RPS6KB1: variants seen among roughly 807,000 people sequenced by gnomAD.
The protein encoded by RPS6KB1 is ribosomal protein S6 kinase beta-1.
A neutral mutation model predicts 70.2 loss-of-function variants in RPS6KB1; 12 were observed. That is an observed-to-expected ratio of 0.17 (90% CI 0.11 to 0.28). The LOEUF is 0.28. Ranked by LOEUF, RPS6KB1 falls within the 10% of genes least tolerant of loss-of-function variation. The pLI, the probability that RPS6KB1 is intolerant of heterozygous loss-of-function variation, is 1.00. For synonymous variants in RPS6KB1, 175 were observed against 211.2 expected, an observed-to-expected ratio of 0.83 and a Z score of 1.49; for missense variants, 270 against 646.6, an observed-to-expected ratio of 0.42 and a Z score of 6.32.
intron 1 of RPS6KB1, among the ~76,000 whole-genome samples, chr17:59,906,625 G>C (rs1414142883): frequency 1.3e-5 from 2 of 151,766 alleles, no homozygotes; most frequent in Admixed American, 6.6e-5. Flanking sequence ...GCCTCCTAAA[G>C]TGCTAGAATT....
intron 1 of RPS6KB1, among the ~76,000 whole-genome samples, chr17:59,895,094 C>T (rs2041454977): frequency 6.6e-6 from 1 of 151,844 alleles, no homozygotes; most frequent in African/African-American, 2.4e-5. Context: ...GATCTCAGCT[C>T]ACTGCAACCT....
chr17:59,914,644 G>A lies in RPS6KB1; in HGVS notation c.322G>A (p.Val108Ile). The A allele has an allele frequency of 6.2e-7, 1 of 1,612,422 alleles. No homozygotes were observed. The highest frequency in any genetic ancestry group is 8.5e-7 in the Non-Finnish European group (1 of 1,179,528). Residue 108 changes from valine (V) to isoleucine (I), a missense_variant, in exon 4 of 15, where the codon GTA becomes ATA. Coordinates refer to ENST00000225577, the MANE Select transcript of RPS6KB1 (RefSeq NM_003161.4). ...CTTTTTTTTAATCCAGGTTTTTCAA[G>A]TACGAAAAGTAACAGGAGCAAATAC... ...GKGGYGKVFQ[V>I]RKVTGANTGK...
intron 4 of RPS6KB1, among the ~76,000 whole-genome samples, chr17:59,918,519 G>A (rs1325766043): frequency 1.3e-5 from 2 of 151,764 alleles, no homozygotes; most frequent in Non-Finnish European, 2.9e-5. Flanking sequence ...ACAGGTGCCC[G>A]CTACCACACC....
intron 1 of RPS6KB1, among the ~76,000 whole-genome samples, chr17:59,909,922 G>T (rs1421263097): frequency 6.6e-6 from 1 of 152,082 alleles, no homozygotes; most frequent in Non-Finnish European, 1.5e-5. Context: ...TGAGGCAGGG[G>T]AATCACTTGA....
chr17:59,938,170 CTTTT>C (rs72001861), intron 12 of RPS6KB1, among the ~76,000 whole-genome samples: 39 of 71,486 alleles, frequency 5.5e-4, no homozygotes, highest in African/African-American at 1.8e-3. Flanking sequence ...TCTTTTCTTT[CTTTT>C]TTTTTTTTTT....
chr17:59,943,086 T>G (rs1347953959), intron 13 of RPS6KB1, among the ~76,000 whole-genome samples: 4 of 152,176 alleles, frequency 2.6e-5, no homozygotes, highest in African/African-American at 9.7e-5. Context: ...GTAATAATCC[T>G]ATAAATTAAT....
At position 59,893,131 on chromosome 17, in the gene RPS6KB1, T is replaced by C; in HGVS notation, c.-54T>C. On this transcript the variant is annotated 5_prime_UTR_variant, in exon 1 of 15. Transcript: ENST00000225577. This position sits in a 1 kb window ranked among gnomAD's most constrained non-coding sequence, Gnocchi z 4.1. Reference sequence around the variant, plus strand: ...GGCCTAGGCGCAGACGCACTGAGCCTAAGCAGCCGGTGATGGCGGCAGCGG... The same window carrying C: ...GGCCTAGGCGCAGACGCACTGAGCCCAAGCAGCCGGTGATGGCGGCAGCGG... 6.3e-7 allele frequency: 1 copy of C among 1,587,742 alleles called. No individual in the cohort carries two copies. Among genetic ancestry groups the C allele is most frequent in the Non-Finnish European group, 8.6e-7 (1 of 1,167,742 alleles).
chr17:59,944,105 GA>G (rs1238172065), intron 13 of RPS6KB1, among the ~76,000 whole-genome samples: 2 of 151,978 alleles, frequency 1.3e-5, no homozygotes, highest in Non-Finnish European at 2.9e-5. Context: ...TAGTCCACCA[GA>G]ACGTTTGTAA....
chr17:59,895,267 G>A (rs181307160), intron 1 of RPS6KB1, among the ~76,000 whole-genome samples: 309 of 147,904 alleles, frequency 2.1e-3, no homozygotes, highest in African/African-American at 7.4e-3. Context: ...TAATCTGCCC[G>A]CCTCGGCCTC....
intron 4 of RPS6KB1, among the ~76,000 whole-genome samples, chr17:59,914,999 T>C (rs2042857695): frequency 6.6e-6 from 1 of 151,772 alleles, no homozygotes; most frequent in South Asian, 2.1e-4. Context: ...TTTCTTTTTT[T>C]TTTTTTTGAG....
chr17:59,895,754 T>G (rs189277808), intron 1 of RPS6KB1, among the ~76,000 whole-genome samples: 1 of 152,150 alleles, frequency 6.6e-6, no homozygotes, highest in African/African-American at 2.4e-5. Flanking sequence ...TGCCTCAGCC[T>G]TCCGAGTAGC....
chr17:59,908,381 A>G (rs1267577434), intron 1 of RPS6KB1, among the ~76,000 whole-genome samples: 1 of 151,614 alleles, frequency 6.6e-6, no homozygotes, highest in African/African-American at 2.4e-5. Flanking sequence ...TTGTATTTTT[A>G]GTAGAGACGG....
intron 13 of RPS6KB1, among the ~76,000 whole-genome samples, chr17:59,941,173 A>G (rs1386626992): frequency 6.6e-6 from 1 of 152,006 alleles, no homozygotes; most frequent in African/African-American, 2.4e-5. Flanking sequence ...ATCTTTGGAA[A>G]GTATGATTCC....
chr17:59,916,399 A>G (rs2042967781), intron 4 of RPS6KB1, among the ~76,000 whole-genome samples: 1 of 152,156 alleles, frequency 6.6e-6, no homozygotes, highest in Non-Finnish European at 1.5e-5. Flanking sequence ...CGAGCCTGGC[A>G]GTATTAACTT....
At chr17:59,897,931 C>G (rs1167070769) in intron 1 of RPS6KB1, among the ~76,000 whole-genome samples, 1 of 150,292 alleles carries the variant, frequency 6.7e-6, no homozygotes, top group African/African-American at 2.5e-5. Context: ...TACCACTGCA[C>G]TCCAGCCTGG....
Position 59,893,425 on chromosome 17 carries a change from G to C in RPS6KB1, c.141+100G>C. ...TCCTAGAGCGTGGAGACCCAGGGGG[G>C]CTCCTGAGGAGCTGAGGGTCGCGCG... is the stretch of plus-strand genomic sequence containing the variant. On this transcript the variant is annotated intron_variant, in intron 1 of 14. Transcript: ENST00000225577. This position sits in a 1 kb window ranked among gnomAD's most constrained non-coding sequence, Gnocchi z 4.1. The C allele has an allele frequency of 8.0e-7, 1 of 1,246,912 alleles. No individual in the cohort carries two copies. The highest frequency in any genetic ancestry group is 1.1e-6 in the Non-Finnish European group (1 of 894,836). The allele number at this position is 1,246,912 out of a possible 1,614,324, so 77.2% of individuals were successfully genotyped here. A position where few individuals can be genotyped will look rare whatever the true frequency, so the allele number is the denominator to read the frequency against.
chr17:59,921,415 A>G (rs867357607), intron 4 of RPS6KB1, among the ~76,000 whole-genome samples: 2 of 152,170 alleles, frequency 1.3e-5, no homozygotes, highest in Non-Finnish European at 1.5e-5. Flanking sequence ...CAGGGCTTTC[A>G]TTTCTAAATC....
At chr17:59,922,007 A>G (rs145057032) in intron 4 of RPS6KB1, among the ~76,000 whole-genome samples, 260 of 150,400 alleles carry the variant, frequency 1.7e-3, no homozygotes, top group African/African-American at 6.1e-3. Flanking sequence ...CTTCACCCCT[A>G]ATTTCATCTA....
chr17:59,934,689 C>A lies in RPS6KB1; in HGVS notation c.870+165C>A. 1.8e-6 allele frequency: 1 copy of A among 546,772 alleles called. No homozygotes were observed. Among genetic ancestry groups the A allele is most frequent in the East Asian group, 2.9e-5 (1 of 34,376 alleles). 33.9% of individuals were successfully genotyped at this position (546,772 alleles called of 1,614,324 possible). ...ATAATGCTGTATGATTATATGGGAT[C>A]CCATACTTTCCGAAACATTTTCTTT... On this transcript the variant is annotated intron_variant, in intron 9 of 14. Transcript: ENST00000225577. This position sits in a 1 kb window ranked among gnomAD's most constrained non-coding sequence, Gnocchi z 4.8.
Sources: gnomAD v4.1 joint callset for allele counts (sites outside exome capture counted in the v4.1 genomes callset) on GRCh38, gnomAD v4.1.1 for gene constraint, Gnocchi (gnomAD v3.1) non-coding constraint, MANE v1.5 for transcripts, NCBI Gene and HGNC (gene_info 2026-07-23, HGNC 2026-07-21) for gene names.